MEGF11: variants seen among roughly 807,000 people sequenced by gnomAD.
MEGF11 encodes multiple epidermal growth factor-like domains protein 11.
In MEGF11, 126 loss-of-function variants were observed where a neutral mutation model predicts 146.6. That is an observed-to-expected ratio of 0.86 (90% CI 0.74 to 1.00). The LOEUF (loss-of-function observed/expected upper bound fraction) is 1.00. Ranked by LOEUF, MEGF11 falls within the 50% of genes least tolerant of loss-of-function variation. MEGF11 has a pLI of 0.00. For synonymous variants in MEGF11, 532 were observed against 583.4 expected (o/e 0.91, Z 1.27); for missense variants, 1,509 against 1,521.2 (o/e 0.99, Z 0.13).
At chr15:65,939,773 G>C (rs1214012245) in intron 10 of MEGF11, among the ~76,000 whole-genome samples, 1 of 152,104 alleles carries the variant, frequency 6.6e-6, no homozygotes, top group Non-Finnish European at 1.5e-5. Context: ...GATTACAGGC[G>C]TGAGCCACCG....
intron 1 of MEGF11, among the ~76,000 whole-genome samples, chr15:66,252,009 A>G (rs986153675): frequency 6.6e-6 from 1 of 152,184 alleles, no homozygotes; most frequent in Non-Finnish European, 1.5e-5. Flanking sequence ...CCTCTCCGGA[A>G]AGCCTCGAGC....
At chr15:66,210,880 C>G (rs1163517505) in intron 1 of MEGF11, among the ~76,000 whole-genome samples, 1 of 152,246 alleles carries the variant, frequency 6.6e-6, no homozygotes, top group Non-Finnish European at 1.5e-5. Context: ...CCAGGAAGAG[C>G]TGGACTTGAG....
At chr15:65,949,555 C>A (rs1023211839) in intron 10 of MEGF11, among the ~76,000 whole-genome samples, 1 of 152,152 alleles carries the variant, frequency 6.6e-6, no homozygotes, top group African/African-American at 2.4e-5. Flanking sequence ...AAATATGGGC[C>A]CCAAATCCTA....
At chr15:66,068,673 C>A (rs1227029059) in intron 5 of MEGF11, among the ~76,000 whole-genome samples, 2 of 152,198 alleles carry the variant, frequency 1.3e-5, no homozygotes, top group East Asian at 3.8e-4. Context: ...CAAGCCTCTT[C>A]CATCAGGCCA....
rs28373288 is a variant in MEGF11, at chr15:66,227,990, G to T, written c.-9+25615C>A. 8.5e-3 allele frequency among the ~76,000 whole-genome samples: 1,289 copies of T among 152,298 alleles called. 8 individuals are homozygous for T. Among genetic ancestry groups the T allele is most frequent in the Non-Finnish European group, 0.013 (883 of 68,036 alleles). ...GCCACAGAACCCCCCAAGCCCAAGA[G>T]CTAGTCCAGGTTCCTATTCCTGCCC... is the stretch of plus-strand genomic sequence containing the variant. On this transcript the variant is annotated intron_variant, in intron 1 of 25. Coordinates refer to ENST00000395614, the MANE Select transcript of MEGF11 (RefSeq NM_001385028.1).
At chr15:66,219,093 A>G (rs2091666296) in intron 1 of MEGF11, among the ~76,000 whole-genome samples, 1 of 152,054 alleles carries the variant, frequency 6.6e-6, no homozygotes, top group Non-Finnish European at 1.5e-5. Flanking sequence ...TTCAAAATGG[A>G]CGGTCTTAAA....
intron 5 of MEGF11, among the ~76,000 whole-genome samples, chr15:66,088,260 G>T (rs754948926): frequency 6.6e-6 from 1 of 152,202 alleles, no homozygotes; most frequent in Non-Finnish European, 1.5e-5. Flanking sequence ...AAGAAGAATT[G>T]GTACCAATCC....
At chr15:65,985,508 G>A (rs1314708931) in intron 5 of MEGF11, among the ~76,000 whole-genome samples, 2 of 152,080 alleles carry the variant, frequency 1.3e-5, no homozygotes, top group Non-Finnish European at 2.9e-5. Context: ...GAAACTGTTG[G>A]AGCCAAAAGG....
chr15:66,179,005 G>A (rs557395479), intron 1 of MEGF11, among the ~76,000 whole-genome samples: 2 of 152,170 alleles, frequency 1.3e-5, no homozygotes, highest in Admixed American at 1.3e-4. Flanking sequence ...GTAGCCTCCG[G>A]GTAGCCAGTG....
intron 8 of MEGF11, among the ~76,000 whole-genome samples, chr15:65,968,943 A>G (rs1417596335): frequency 6.6e-6 from 1 of 152,196 alleles, no homozygotes; most frequent in East Asian, 1.9e-4. Flanking sequence ...TACGAAATTA[A>G]TGGAGGCAAT....
At chr15:66,084,535 C>G (rs1334930801) in intron 5 of MEGF11, among the ~76,000 whole-genome samples, 1 of 150,838 alleles carries the variant, frequency 6.6e-6, no homozygotes, top group African/African-American at 2.5e-5. Context: ...CCGAACACAC[C>G]CCCCCACTGG....
intron 10 of MEGF11, among the ~76,000 whole-genome samples, chr15:65,940,831 C>G (rs1038972939): frequency 6.6e-6 from 1 of 152,238 alleles, no homozygotes; most frequent in Non-Finnish European, 1.5e-5. Context: ...GTAGTATTCA[C>G]TCTCACTTAT....
chr15:66,226,788 T>C (rs1037877121), intron 1 of MEGF11, among the ~76,000 whole-genome samples: 2 of 151,938 alleles, frequency 1.3e-5, no homozygotes, highest in East Asian at 1.9e-4. Context: ...GTGACTGCTG[T>C]ATACTCACAC....
chr15:66,182,875 G>A (rs1057219546), intron 1 of MEGF11, among the ~76,000 whole-genome samples: 4 of 152,144 alleles, frequency 2.6e-5, no homozygotes, highest in East Asian at 1.9e-4. Flanking sequence ...GGATGAAGCC[G>A]TTTATGGTGG....
At chr15:65,967,991 GC>G (rs759406596) in intron 8 of MEGF11, among the ~76,000 whole-genome samples, 6 of 152,138 alleles carry the variant, frequency 3.9e-5, no homozygotes, top group Non-Finnish European at 5.9e-5. Context: ...GACAAGTGAG[GC>G]AACTGCTCCA....
chr15:66,168,935 C>G (rs567449025), intron 1 of MEGF11, among the ~76,000 whole-genome samples: 1 of 152,202 alleles, frequency 6.6e-6, no homozygotes, highest in Non-Finnish European at 1.5e-5. Context: ...TTGCAGTGAG[C>G]CAGGATCGTG....
chr15:65,950,521 C>G (rs1325495015), intron 10 of MEGF11, among the ~76,000 whole-genome samples: 1 of 151,884 alleles, frequency 6.6e-6, no homozygotes, highest in Non-Finnish European at 1.5e-5. Context: ...CAAGGCTGCA[C>G]AGTGAGCCAA....
intron 7 of MEGF11, among the ~76,000 whole-genome samples, chr15:65,973,916 C>T (rs2081371803): frequency 6.6e-6 from 1 of 152,120 alleles, no homozygotes; most frequent in African/African-American, 2.4e-5. Context: ...CTCCCCTGCC[C>T]CCCAGTATTA....
chr15:66,239,120 C>G (rs8039689), intron 1 of MEGF11, among the ~76,000 whole-genome samples: 63,727 of 152,026 alleles, frequency 0.42, 13,649 homozygotes, highest in Middle Eastern at 0.5. Context: ...CTCTGACCCA[C>G]TTCAGAATGA....
Sources: gnomAD v4.1 joint callset for allele counts (sites outside exome capture counted in the v4.1 genomes callset) on GRCh38, gnomAD v4.1.1 for gene constraint, MANE v1.5 for transcripts, NCBI Gene and HGNC (gene_info 2026-07-23, HGNC 2026-07-21) for gene names.